The following CACNB2 variants were observed in gnomAD, a reference collection of about 807,000 sequenced individuals.
CACNB2 encodes voltage-dependent L-type calcium channel subunit beta-2.
A neutral mutation model predicts 73.3 loss-of-function variants in CACNB2; 42 were observed. The observed-to-expected ratio is 0.57, with a 90% confidence interval of 0.45 to 0.74. The LOEUF is 0.74. CACNB2 is among the 30% of genes least tolerant of loss of function. CACNB2 has a pLI of 0.00. For missense variants in CACNB2, 940 were observed against 853.0 expected, an observed-to-expected ratio of 1.10 and a Z score of -1.27; for synonymous variants, 348 against 310.3, an observed-to-expected ratio of 1.12 and a Z score of -1.28.
intron 2 of CACNB2, among the ~76,000 whole-genome samples, chr10:18,290,112 C>CTTTTTTTTTTTTTTTTTT (rs992393946): frequency 1.6e-4 from 8 of 50,134 alleles, no homozygotes; most frequent in East Asian, 6.6e-4. Context: ...TTTTCTTTTT[C>CTTTTTTTTTTTTTTTTTT]TTTTTTTTTT....
At chr10:18,405,223 C>T (rs2044221005) in intron 3 of CACNB2, among the ~76,000 whole-genome samples, 1 of 152,092 alleles carries the variant, frequency 6.6e-6, no homozygotes, top group African/African-American at 2.4e-5. Context: ...TCTCATTGCC[C>T]CATAAAGAAA....
At chr10:18,290,044 T>C (rs1588952898) in intron 2 of CACNB2, among the ~76,000 whole-genome samples, 1 of 151,806 alleles carries the variant, frequency 6.6e-6, no homozygotes, top group East Asian at 1.9e-4. Flanking sequence ...TAGATCTTTT[T>C]TGAGAGGTAT....
intron 3 of CACNB2, among the ~76,000 whole-genome samples, chr10:18,449,942 T>C (rs1472617409): frequency 6.6e-6 from 1 of 152,162 alleles, no homozygotes; most frequent in Non-Finnish European, 1.5e-5. Context: ...TCAGGGCCCA[T>C]GAAGGGCTGG....
intron 3 of CACNB2, among the ~76,000 whole-genome samples, chr10:18,460,761 A>G (rs559981873): frequency 7.2e-5 from 11 of 151,798 alleles, no homozygotes; most frequent in Non-Finnish European, 1.5e-4. Context: ...ATGGTAGGGC[A>G]CACCTGTGGC....
At chr10:18,488,965 G>A (rs1025269891) in intron 3 of CACNB2, among the ~76,000 whole-genome samples, 3 of 151,808 alleles carry the variant, frequency 2.0e-5, no homozygotes, top group Admixed American at 6.6e-5. Flanking sequence ...ATCACCTGAG[G>A]TCAAGAGTTT....
chr10:18,150,178 C>T (rs1221936297), intron 1 of CACNB2, among the ~76,000 whole-genome samples: 1 of 152,154 alleles, frequency 6.6e-6, no homozygotes, highest in African/African-American at 2.4e-5. Flanking sequence ...ATAGGAAAAG[C>T]AAGTTCATTT....
Position 18,530,042 on chromosome 10 carries a change from C to G in CACNB2, c.1054+2345C>G, listed in dbSNP as rs1231185113. 2.0e-5 allele frequency among the ~76,000 whole-genome samples: 3 copies of G among 152,128 alleles called. No homozygotes were observed. In the East Asian group the frequency reaches 5.8e-4, roughly 29 times the overall value. ...GCAGGGGAACTCCCCTTTATGAAAC[C>G]ATTAGATCTCATGAGACTCATTCAC... is the stretch of plus-strand genomic sequence containing the variant. On this transcript the variant is annotated intron_variant, in intron 10 of 13. Coordinates refer to ENST00000324631, the MANE Select transcript of CACNB2 (RefSeq NM_201596.3).
At chr10:18,215,501 T>A (rs2131367832) in intron 2 of CACNB2, among the ~76,000 whole-genome samples, 2 of 152,320 alleles carry the variant, frequency 1.3e-5, no homozygotes, top group South Asian at 4.1e-4. Context: ...GGGCACAAAC[T>A]GAAGCCCAGC....
In CACNB2 at chr10:18,214,645, A is replaced by T; in HGVS notation, c.213+63670A>T. Among the ~76,000 whole-genome samples the T allele has an allele frequency of 1.9e-4, 4 of 21,412 alleles. 1 individual carries two copies. The East Asian group carries it at 2.3e-3, about 12-fold the overall frequency. The allele number at this position is 21,412 out of a possible 152,430, so 14.0% of individuals were successfully genotyped here. The stretch of plus-strand genomic sequence containing the variant: ...CCATCTCAAAAAAAAAAAAAAAAAA[A>T]AAAAAAAAAATTAACAACTGTATGG... On this transcript the variant is annotated intron_variant, in intron 2 of 13. Transcript: ENST00000324631.
At chr10:18,340,685 G>A in intron 2 of CACNB2, 1 of 1,401,480 alleles carries the variant, frequency 7.1e-7, no homozygotes, top group Non-Finnish European at 9.3e-7. Context: ...TTTGTTAATT[G>A]ACTTTGATGA....
At chr10:18,184,845 T>G (rs1564326181) in intron 2 of CACNB2, among the ~76,000 whole-genome samples, 1 of 152,138 alleles carries the variant, frequency 6.6e-6, no homozygotes, top group Non-Finnish European at 1.5e-5. Context: ...AAGCCCAGCA[T>G]GCATTAGCTG....
intron 2 of CACNB2, among the ~76,000 whole-genome samples, chr10:18,244,310 T>C (rs1274027788): frequency 1.3e-5 from 2 of 152,248 alleles, no homozygotes; most frequent in African/African-American, 4.8e-5. Context: ...AATTTAGCAA[T>C]GGATTTCAGA....
intron 2 of CACNB2, among the ~76,000 whole-genome samples, chr10:18,371,573 G>A (rs2042585328): frequency 6.6e-6 from 1 of 152,174 alleles, no homozygotes; most frequent in African/African-American, 2.4e-5. Context: ...TGGTGTATAT[G>A]TGCCACATTT....
At chr10:18,173,954 C>A (rs552251129) in intron 2 of CACNB2, among the ~76,000 whole-genome samples, 1 of 152,084 alleles carries the variant, frequency 6.6e-6, no homozygotes, top group South Asian at 2.1e-4. Flanking sequence ...TCTCAGATGG[C>A]CTTTATTAAA....
At position 18,150,880 on chromosome 10, in the gene CACNB2, T is replaced by TTTTTTTTTTTTTTTTTTTGTA; in HGVS notation, c.121-3_121-2insTTTTTTTTTTTTTTTTTTGTA. The TTTTTTTTTTTTTTTTTTTGTA allele has an allele frequency of 7.7e-7, 1 of 1,300,364 alleles. No individual in the cohort carries two copies. Among genetic ancestry groups the TTTTTTTTTTTTTTTTTTTGTA allele is most frequent in the Non-Finnish European group, 1.1e-6 (1 of 943,298 alleles). The allele number at this position is 1,300,364 out of a possible 1,614,324, so 80.6% of individuals were successfully genotyped here. A position where few individuals can be genotyped will look rare whatever the true frequency, so the allele number is the denominator to read the frequency against. On this transcript the variant is annotated splice_polypyrimidine_tract_variant and splice_region_variant and intron_variant, in intron 1 of 13. Coordinates refer to ENST00000324631, the MANE Select transcript of CACNB2 (RefSeq NM_201596.3). The stretch of plus-strand genomic sequence containing the variant: ...CTTTTTTTTTTTTTTTTTTTTTTTT[T>TTTTTTTTTTTTTTTTTTTGTA]AGTCATATGGAAAAGGAGCCAGAAG...
At chr10:18,414,280 T>C (rs879259536) in intron 3 of CACNB2, among the ~76,000 whole-genome samples, 3 of 152,002 alleles carry the variant, frequency 2.0e-5, no homozygotes, top group Admixed American at 1.3e-4. Context: ...TCAAGAGCAA[T>C]TGAACTCTCT....
chr10:18,533,799 A>T (rs2053295344), intron 10 of CACNB2, among the ~76,000 whole-genome samples: 1 of 152,252 alleles, frequency 6.6e-6, no homozygotes, highest in Non-Finnish European at 1.5e-5. Flanking sequence ...AGCACAAAGA[A>T]TGTCAGCAGA....
In CACNB2 at chr10:18,343,335, G is replaced by A. The variant is rs145268774; in HGVS notation, c.214-58589G>A. Among the ~76,000 whole-genome samples, 565 of 151,654 alleles carry A rather than the reference G, an allele frequency of 3.7e-3. 3 individuals are homozygous for A. The highest frequency in any genetic ancestry group is 0.013 in the African/African-American group (541 of 41,326). The stretch of plus-strand genomic sequence containing the variant: ...TTTTTTTTTATTATTATTGTTACCC[G>A]TAATTTTTGTTTTTTCTGACTGTGG... On this transcript the variant is annotated intron_variant, in intron 2 of 13. Coordinates refer to ENST00000324631, the MANE Select transcript of CACNB2 (RefSeq NM_201596.3).
At chr10:18,392,936 C>T (rs574049848) in intron 2 of CACNB2, among the ~76,000 whole-genome samples, 17 of 152,114 alleles carry the variant, frequency 1.1e-4, no homozygotes, top group Middle Eastern at 3.4e-3. Context: ...TGGCTGGATG[C>T]GGTGGCTCAC....
Sources: allele counts gnomAD v4.1 joint callset (sites outside exome capture counted in the v4.1 genomes callset), GRCh38; gene constraint gnomAD v4.1.1; transcripts MANE v1.5; gene names NCBI Gene and HGNC (gene_info 2026-07-23, HGNC 2026-07-21).